ANO9: variants seen among roughly 807,000 people sequenced by gnomAD.
ANO9 encodes the protein anoctamin 9.
In ANO9, 80 loss-of-function variants were observed where a neutral mutation model predicts 100.5. The observed-to-expected ratio is 0.80, with a 90% CI of 0.66 to 0.96. The LOEUF (loss-of-function observed/expected upper bound fraction) is 0.96. Among genes scored for constraint, ANO9 ranks in the 40% least tolerant of loss-of-function variants. The pLI, the probability that ANO9 is intolerant of heterozygous loss-of-function variation, is 0.00. For missense variants in ANO9, 1,064 were observed against 1,072.7 expected (o/e 0.99, Z 0.11); for synonymous variants, 473 against 435.6 (o/e 1.09, Z -1.07).
In ANO9 at chr11:420,538, C is replaced by A; in HGVS notation, c.1711G>T (p.Val571Leu). The change falls in exon 19 of 23, where the codon GTG becomes TTG. Residue 571 changes from valine (V) to leucine (L), a missense_variant. Val to Leu is a conservative substitution (Grantham distance 32, BLOSUM62 1). Transcript: ENST00000332826. The stretch of plus-strand genomic sequence containing the variant: ...TTGATGGCGTCCAGGCGGATCTCCA[C>A]GAGGTTGCTGAAGAGCGCGAGCAGC... Reference protein sequence around the residue: ...APLLALFSNLVEIRLDAIKMV... With the variant: ...APLLALFSNLLEIRLDAIKMV... The A allele has an allele frequency of 1.2e-6, 2 of 1,606,294 alleles. No individual in the cohort carries two copies. Among genetic ancestry groups the A allele is most frequent in the Non-Finnish European group, 8.5e-7 (1 of 1,179,588 alleles).
intron 1 of ANO9, chr11:440,743 ACG>A (rs1845801041): frequency 1.3e-5 from 2 of 151,458 alleles, no homozygotes; most frequent in East Asian, 3.9e-4. Context: ...GAGCGCAGGC[ACG>A]CGCCACCACG....
chr11:427,319 C>G (rs1428923264), intron 15 of ANO9, among the ~76,000 whole-genome samples: 1 of 152,040 alleles, frequency 6.6e-6, no homozygotes. Flanking sequence ...TACTGCACTC[C>G]AGCCTGGGCG....
chr11:430,334 C>A lies in ANO9; in HGVS notation c.609G>T (p.Pro203=). 1 of 1,609,692 alleles carries A rather than the reference C, an allele frequency of 6.2e-7. No individual in the cohort carries two copies. Among genetic ancestry groups the A allele is most frequent in the Non-Finnish European group, 8.5e-7 (1 of 1,179,098 alleles). ...WLGWYTYMLV[P]AALTGLLVFL... ...AGACTAAGAGGCCCGTCAGGGCGGC[C>A]GGCACCAGCATGTAGGTGTACCAGC... Residue 203 remains proline (P), a synonymous_variant, in exon 8 of 23, where the codon CCG becomes CCT. Transcript: ENST00000332826.
At chr11:435,441 CTAGTATAGCATAGGATAGCA>C (rs1259510958) in intron 1 of ANO9, among the ~76,000 whole-genome samples, 1 of 113,914 alleles carries the variant, frequency 8.8e-6, no homozygotes, top group Non-Finnish European at 1.9e-5. Context: ...CTAGTCTAGT[CTAGTATAGCATAGGATAGCA>C]TAGTATAGCA....
At chr11:433,766 A>G (rs1265206912) in intron 3 of ANO9, 49 bp downstream of exon 3, 5 of 1,477,042 alleles carry the variant, frequency 3.4e-6, no homozygotes, top group Admixed American at 2.1e-5. Flanking sequence ...CCCTCGCTGG[A>G]CACCCGCCCC....
At position 428,094 on chromosome 11, in the gene ANO9, A is replaced by G. The variant is rs1564915364; in HGVS notation, c.1328T>C (p.Leu443Pro). 1.9e-6 allele frequency: 3 copies of G among 1,607,142 alleles called. No individual in the cohort carries two copies. The highest frequency in any genetic ancestry group is 2.5e-6 in the Non-Finnish European group (3 of 1,178,284). The change falls in exon 15 of 23, where the codon CTG becomes CCG. Residue 443 changes from leucine to proline, a missense_variant. By Grantham distance (98) the Leu-to-Pro change is moderately conservative. Coordinates refer to ENST00000332826, the MANE Select transcript of ANO9 (RefSeq NM_001012302.3). ...AGCCTGGCGCCGGCCCTACCTGCCC[A>G]GGATGAAGGCGATGTAGATGAGAGA... ...FSSLIYIAFI[L>P]GRINGHPGKS...
At chr11:425,748 T>C (rs1175442822) in intron 15 of ANO9, among the ~76,000 whole-genome samples, 1 of 152,114 alleles carries the variant, frequency 6.6e-6, no homozygotes, top group Non-Finnish European at 1.5e-5. Context: ...TTTGTTTTTT[T>C]TGAGACGGAG....
intron 4 of ANO9, 180 bp downstream of exon 4, chr11:433,134 A>C: frequency 1.3e-6 from 1 of 756,826 alleles, no homozygotes; most frequent in Non-Finnish European, 2.0e-6. Flanking sequence ...CTTTAATGGG[A>C]TGGGGAAGCT....
chr11:429,989 T>TCTG lies in ANO9; in HGVS notation c.771+91_771+93dup, dbSNP rs1349208823. The TCTG allele has an allele frequency of 8.4e-6, 12 of 1,431,956 alleles. No individual in the cohort carries two copies. In the African/African-American group the frequency reaches 1.7e-4, roughly 20 times the overall value. The allele number at this position is 1,431,956 out of a possible 1,614,324, so 88.7% of individuals were successfully genotyped here. On this transcript the variant is annotated intron_variant, in intron 9 of 22. Transcript: ENST00000332826. ...AGCCCTGTGGGGAAAGCTGAGCAGC[T>TCTG]CTGCAGGGCTCCAGGCCTTGATCTC... is the stretch of plus-strand genomic sequence containing the variant.
rs2133679765 is a variant in ANO9, at chr11:421,351, C to T, written c.1335-153G>A. 2.9e-6 allele frequency: 2 copies of T among 687,348 alleles called. No individual in the cohort carries two copies. The highest frequency in any genetic ancestry group is 2.3e-6 in the Non-Finnish European group (1 of 435,206). 42.6% of individuals were successfully genotyped at this position (687,348 alleles called of 1,614,324 possible). ...CACAGGTGCTCACACCCAGATGAAC[C>T]GCACCCGCACGTGGGCACGCACACA... On this transcript the variant is annotated intron_variant, in intron 15 of 22. Transcript: ENST00000332826. This position sits in a 1 kb window ranked among gnomAD's most constrained non-coding sequence, Gnocchi z 6.8.
chr11:428,823 C>T lies in ANO9; in HGVS notation c.919G>A (p.Glu307Lys), dbSNP rs986489204. ...CAGTTAATGAGCTGAAGTGCCATTT[C>T]CTCCTGGGGAGAGCACCGGGCAAGC... ...DLYVWDEEQE[E>K]MALQLINCPD... The change falls in exon 12 of 23, where the codon GAA becomes AAA. Residue 307 changes from glutamate to lysine, a missense_variant. Transcript: ENST00000332826. 1 of 1,612,858 alleles carries T rather than the reference C, an allele frequency of 6.2e-7. No homozygotes were observed. Among genetic ancestry groups the T allele is most frequent in the African/African-American group, 1.3e-5 (1 of 74,920 alleles).
At position 421,449 on chromosome 11, in the gene ANO9, AC is replaced by A; in HGVS notation, c.1335-252del. Among the ~76,000 whole-genome samples, 1 of 122,100 alleles carries A rather than the reference AC, an allele frequency of 8.2e-6. No individual in the cohort carries two copies. Among genetic ancestry groups the A allele is most frequent in the African/African-American group, 3.3e-5 (1 of 30,504 alleles). The allele number at this position is 122,100 out of a possible 152,430, so 80.1% of individuals were successfully genotyped here. A position where few individuals can be genotyped will look rare whatever the true frequency, so the allele number is the denominator to read the frequency against. On this transcript the variant is annotated intron_variant, in intron 15 of 22. Coordinates refer to ENST00000332826, the MANE Select transcript of ANO9 (RefSeq NM_001012302.3). This position sits in a 1 kb window ranked among gnomAD's most constrained non-coding sequence, Gnocchi z 6.8. ...CCCACACGTGGGCGCGCGCACACAC[AC>A]ACACACCCCCACACAGGGGAGGCCA...
intron 15 of ANO9, among the ~76,000 whole-genome samples, chr11:423,497 AC>A (rs1475568626): frequency 6.6e-6 from 1 of 152,130 alleles, no homozygotes; most frequent in Non-Finnish European, 1.5e-5. Flanking sequence ...CAAATTCCTT[AC>A]AAGTCAGGGA....
At chr11:419,840 C>G in intron 19 of ANO9, 111 bp from the exon 20 acceptor site, 1 of 1,516,364 alleles carries the variant, frequency 6.6e-7, no homozygotes, top group South Asian at 1.3e-5. Flanking sequence ...GCGTGGTGTC[C>G]CCTTGCAGCC....
chr11:423,813 G>C (rs1241109967), intron 15 of ANO9, among the ~76,000 whole-genome samples: 1 of 151,348 alleles, frequency 6.6e-6, no homozygotes, highest in African/African-American at 2.4e-5. Flanking sequence ...TTACAAGCAT[G>C]AGCCACTGCA....
At chr11:424,404 GGCT>G (rs1848375351) in intron 15 of ANO9, among the ~76,000 whole-genome samples, 1 of 152,210 alleles carries the variant, frequency 6.6e-6, no homozygotes, top group African/African-American at 2.4e-5. Context: ...GCCACCCACT[GGCT>G]GTGTGTCCTG....
intron 15 of ANO9, among the ~76,000 whole-genome samples, chr11:424,314 C>T (rs116062586): frequency 1.9e-3 from 296 of 152,334 alleles, no homozygotes; most frequent in African/African-American, 6.7e-3. Flanking sequence ...ATTTTTCACG[C>T]TGTTTTCCGA....
At chr11:427,723 C>T (rs915115502) in intron 15 of ANO9, among the ~76,000 whole-genome samples, 1 of 152,062 alleles carries the variant, frequency 6.6e-6, no homozygotes, top group Admixed American at 6.5e-5. Flanking sequence ...CTCTCTCTCT[C>T]TCTCATATAT....
At chr11:440,160 AGGACTT>A (rs946445660) in intron 1 of ANO9, among the ~76,000 whole-genome samples, 14 of 152,226 alleles carry the variant, frequency 9.2e-5, no homozygotes, top group African/African-American at 2.9e-4. Flanking sequence ...ACCTCCAAGG[AGGACTT>A]GGTAGCTACT....
Sources: allele counts gnomAD v4.1 joint callset (sites outside exome capture counted in the v4.1 genomes callset), GRCh38; gene constraint gnomAD v4.1.1; non-coding constraint Gnocchi (gnomAD v3.1); transcripts MANE v1.5; gene names NCBI Gene and HGNC (gene_info 2026-07-23, HGNC 2026-07-21).